The following HERC3 variants were observed in gnomAD, a reference collection of about 807,000 sequenced individuals.
The protein encoded by HERC3 is probable E3 ubiquitin-protein ligase HERC3.
In HERC3, 58 loss-of-function variants were observed where a neutral mutation model predicts 129.9. The ratio of observed to expected loss-of-function variants is 0.45; its 90% CI spans 0.36 to 0.56. HERC3 has a LOEUF of 0.56. Among genes scored for constraint, HERC3 ranks in the 20% least tolerant of loss-of-function variants. The pLI, the probability that HERC3 is intolerant of heterozygous loss-of-function variation, is 0.00. For missense variants in HERC3, 835 were observed against 1,244.2 expected (o/e 0.67, Z 4.95); for synonymous variants, 430 against 451.0 (o/e 0.95, Z 0.59).
At chr4:88,543,107 G>A in the HERC3 span, among the ~76,000 whole-genome samples, 1 of 152,164 alleles carries the variant, frequency 6.6e-6, no homozygotes, top group Non-Finnish European at 1.5e-5. Flanking sequence ...GCAAGAGAAA[G>A]AAATAAAGGG....
intron 5 of HERC3, 107 bp from the exon 6 acceptor site, chr4:88,652,762 G>C (rs1353701559): frequency 9.0e-7 from 1 of 1,114,746 alleles, no homozygotes; most frequent in Non-Finnish European, 1.3e-6. Context: ...GCTCTTGGGT[G>C]GGTTTGGTGT....
chr4:88,531,330 G>A, the HERC3 span, among the ~76,000 whole-genome samples: 1 of 151,980 alleles, frequency 6.6e-6, no homozygotes, highest in Non-Finnish European at 1.5e-5. Context: ...ATGAGCCACC[G>A]TGCACAGCCA....
At chr4:88,691,212 G>A (rs1377320284) in intron 23 of HERC3, among the ~76,000 whole-genome samples, 2 of 152,182 alleles carry the variant, frequency 1.3e-5, no homozygotes, top group Non-Finnish European at 2.9e-5. Flanking sequence ...TCTGTACTAG[G>A]TAGAAATTTA....
intron 21 of HERC3, among the ~76,000 whole-genome samples, chr4:88,684,005 TG>T (rs1489008555): frequency 7.9e-5 from 12 of 152,202 alleles, no homozygotes; most frequent in Non-Finnish European, 1.6e-4. Context: ...TCCATGCTCA[TG>T]GATAGGAAGA....
At chr4:88,697,339 T>TCCTCCTCCC (rs1734721223) in intron 23 of HERC3, 1 of 1,613,686 alleles carries the variant, frequency 6.2e-7, no homozygotes, top group Non-Finnish European at 8.5e-7. Flanking sequence ...CTCTTCCTCC[T>TCCTCCTCCC]CCTCCTCCCC....
intron 3 of HERC3, among the ~76,000 whole-genome samples, chr4:88,641,716 A>G (rs1219444621): frequency 2.0e-5 from 3 of 152,208 alleles, no homozygotes; most frequent in Non-Finnish European, 4.4e-5. Context: ...CAAATGGACA[A>G]TTCTTCCAAA....
intron 3 of HERC3, among the ~76,000 whole-genome samples, chr4:88,628,020 A>C (rs1251106978): frequency 1.3e-5 from 2 of 152,106 alleles, no homozygotes; most frequent in African/African-American, 4.8e-5. Flanking sequence ...TGTGCATTGC[A>C]CTGTTCATGG....
chr4:88,544,619 C>T, the HERC3 span, among the ~76,000 whole-genome samples: 9 of 152,136 alleles, frequency 5.9e-5, no homozygotes, highest in East Asian at 1.9e-4. Flanking sequence ...CACGTGCACA[C>T]GTATGTTTAT....
chr4:88,584,586 A>T, the HERC3 span, among the ~76,000 whole-genome samples: 1 of 152,234 alleles, frequency 6.6e-6, no homozygotes, highest in Non-Finnish European at 1.5e-5. Flanking sequence ...TAGTTGTCAC[A>T]GCGGGGGATT....
chr4:88,668,578 T>A (rs896229343), intron 14 of HERC3: 3 of 155,308 alleles, frequency 1.9e-5, no homozygotes, highest in African/African-American at 7.2e-5. Flanking sequence ...CCGGACACTT[T>A]GCTGAGATAA....
At chr4:88,683,554 G>T (rs762582183) in intron 21 of HERC3, among the ~76,000 whole-genome samples, 3 of 152,174 alleles carry the variant, frequency 2.0e-5, no homozygotes, top group Non-Finnish European at 4.4e-5. Context: ...AATGACTTTG[G>T]CTGATTAACT....
At chr4:88,686,667 C>G in intron 21 of HERC3, 69 bp from the exon 22 acceptor site, 2 of 979,268 alleles carry the variant, frequency 2.0e-6, no homozygotes, top group South Asian at 1.3e-5. Context: ...GGACATGTAA[C>G]TGAAGTAGAA....
At chr4:88,525,740 A>C in the HERC3 span, among the ~76,000 whole-genome samples, 2 of 152,246 alleles carry the variant, frequency 1.3e-5, no homozygotes, top group East Asian at 3.8e-4. Context: ...GTGTGTATTA[A>C]GTTGCAACAT....
chr4:88,650,412 TA>T (rs777810932), intron 4 of HERC3, among the ~76,000 whole-genome samples: 1 of 152,224 alleles, frequency 6.6e-6, no homozygotes, highest in Non-Finnish European at 1.5e-5. Flanking sequence ...CTTTAAGCAT[TA>T]CAAACAGCTA....
At chr4:88,628,623 C>T (rs967542842) in intron 3 of HERC3, among the ~76,000 whole-genome samples, 2 of 152,162 alleles carry the variant, frequency 1.3e-5, no homozygotes, top group Admixed American at 1.3e-4. Flanking sequence ...AAAATGTTAT[C>T]ATATTATCAA....
chr4:88,660,913 A>T (rs1219592930), intron 10 of HERC3, among the ~76,000 whole-genome samples: 2 of 152,204 alleles, frequency 1.3e-5, no homozygotes, highest in East Asian at 3.8e-4. Context: ...ATGGTGATTC[A>T]AAGTCCAGCC....
chr4:88,546,391 A>G, the HERC3 span, among the ~76,000 whole-genome samples: 1 of 152,214 alleles, frequency 6.6e-6, no homozygotes, highest in African/African-American at 2.4e-5. Context: ...TGCTATCTAT[A>G]TGCCAGGAAA....
At chr4:88,566,441 A>G in the HERC3 span, among the ~76,000 whole-genome samples, 71 of 152,214 alleles carry the variant, frequency 4.7e-4, no homozygotes, top group Non-Finnish European at 7.2e-4. Context: ...TCTTCTATTT[A>G]TATCTTATTG....
intron 3 of HERC3, among the ~76,000 whole-genome samples, chr4:88,619,134 T>C (rs1578180098): frequency 6.6e-6 from 1 of 152,216 alleles, no homozygotes; most frequent in Non-Finnish European, 1.5e-5. Flanking sequence ...CCTGGCGAGG[T>C]AGAGCCACAG....
Sources: allele counts gnomAD v4.1 joint callset (sites outside exome capture counted in the v4.1 genomes callset), GRCh38; gene constraint gnomAD v4.1.1; transcripts MANE v1.5; gene names NCBI Gene and HGNC (gene_info 2026-07-23, HGNC 2026-07-21).